The following SPIDR variants were observed in gnomAD, a reference collection of about 807,000 sequenced individuals.
SPIDR encodes the protein DNA repair-scaffolding protein.
Under a neutral mutation model 104.6 loss-of-function variants are expected in SPIDR, and 93 were observed. The observed-to-expected ratio is 0.89, with a 90% CI of 0.75 to 1.06. The LOEUF (loss-of-function observed/expected upper bound fraction) is 1.06. Among genes scored for constraint, SPIDR ranks in the 50% least tolerant of loss-of-function variants. The probability of loss-of-function intolerance (pLI) is 0.00; values close to 1 mark genes in which losing one functional copy is unlikely to be tolerated. For missense variants in SPIDR, 1,154 were observed against 1,111.2 expected, an observed-to-expected ratio of 1.04 and a Z score of -0.55; for synonymous variants, 431 against 416.9, an observed-to-expected ratio of 1.03 and a Z score of -0.41.
At chr8:47,339,870 G>A (rs897483222) in intron 5 of SPIDR, among the ~76,000 whole-genome samples, 18 of 151,550 alleles carry the variant, frequency 1.2e-4, no homozygotes, top group Non-Finnish European at 2.4e-4. Flanking sequence ...TAGTATAGAC[G>A]GGGTTTCACT....
chr8:47,546,205 G>A (rs2089341272), intron 8 of SPIDR, among the ~76,000 whole-genome samples: 1 of 152,074 alleles, frequency 6.6e-6, no homozygotes, highest in Non-Finnish European at 1.5e-5. Context: ...TAAGTGTTTG[G>A]TAGAATTCAA....
At chr8:47,337,688 T>G (rs2050026742) in intron 5 of SPIDR, among the ~76,000 whole-genome samples, 1 of 152,142 alleles carries the variant, frequency 6.6e-6, no homozygotes, top group Non-Finnish European at 1.5e-5. Flanking sequence ...TACCTGTGTT[T>G]TCTTCTAAGA....
chr8:47,718,727 G>A (rs1397456624), intron 16 of SPIDR, among the ~76,000 whole-genome samples: 1 of 152,028 alleles, frequency 6.6e-6, no homozygotes, highest in African/African-American at 2.4e-5. Context: ...AAATATTGAA[G>A]AATAGAAATA....
intron 10 of SPIDR, among the ~76,000 whole-genome samples, chr8:47,664,509 T>C (rs1346468851): frequency 1.3e-5 from 2 of 151,910 alleles, no homozygotes; most frequent in African/African-American, 4.8e-5. Context: ...AAGAACCAAA[T>C]AGAAATTCTG....
chr8:47,546,865 A>G lies in SPIDR; in HGVS notation c.1098-48946A>G, dbSNP rs1439505195. 1.8e-5 allele frequency: 7 copies of G among 395,560 alleles called. No individual in the cohort carries two copies. The East Asian group carries it at 3.0e-4, about 17-fold the overall frequency. 24.5% of individuals were successfully genotyped at this position (395,560 alleles called of 1,614,324 possible). ...CGTCTTCAGCAATGGTGAGGCGTAT[A>G]CGTTTCCTCAGGGAAGAGAAATTAA... On this transcript the variant is annotated intron_variant, in intron 8 of 19. Coordinates refer to ENST00000297423, the MANE Select transcript of SPIDR (RefSeq NM_001080394.4).
At chr8:47,638,658 G>A (rs199907810) in intron 10 of SPIDR, among the ~76,000 whole-genome samples, 3 of 152,032 alleles carry the variant, frequency 2.0e-5, no homozygotes, top group East Asian at 1.9e-4. Context: ...CTTTCCTGTC[G>A]CTCATTTTTC....
chr8:47,355,078 CTT>C (rs2054258223), intron 5 of SPIDR, among the ~76,000 whole-genome samples: 1 of 152,064 alleles, frequency 6.6e-6, no homozygotes, highest in Admixed American at 6.5e-5. Flanking sequence ...GCCTCAGCCT[CTT>C]GAGTAGCTCG....
intron 1 of SPIDR, among the ~76,000 whole-genome samples, chr8:47,263,406 A>T (rs1408740518): frequency 1.4e-5 from 2 of 147,990 alleles, no homozygotes; most frequent in Non-Finnish European, 3.0e-5. Flanking sequence ...TTTTTTTGAG[A>T]CGCAGTCTCG....
intron 6 of SPIDR, among the ~76,000 whole-genome samples, chr8:47,401,877 T>A (rs2154317179): frequency 6.6e-6 from 1 of 152,220 alleles, no homozygotes; most frequent in Non-Finnish European, 1.5e-5. Context: ...TCCCACACAG[T>A]AATAATGGGA....
At chr8:47,656,748 A>G (rs2072896309) in intron 10 of SPIDR, among the ~76,000 whole-genome samples, 1 of 152,232 alleles carries the variant, frequency 6.6e-6, no homozygotes, top group East Asian at 1.9e-4. Flanking sequence ...CAAAAATGTC[A>G]AAACAACTGC....
At chr8:47,347,066 T>C (rs2052268796) in intron 5 of SPIDR, among the ~76,000 whole-genome samples, 1 of 152,222 alleles carries the variant, frequency 6.6e-6, no homozygotes, top group Non-Finnish European at 1.5e-5. Context: ...TTTTAGATCT[T>C]TCCTCTTGTG....
chr8:47,486,582 G>T (rs2077665078), intron 8 of SPIDR, among the ~76,000 whole-genome samples: 1 of 152,184 alleles, frequency 6.6e-6, no homozygotes, highest in Non-Finnish European at 1.5e-5. Flanking sequence ...AGGAAAAAAT[G>T]TTAAGAGCAC....
intron 8 of SPIDR, among the ~76,000 whole-genome samples, chr8:47,485,361 C>G (rs1480775423): frequency 1.3e-5 from 2 of 152,236 alleles, no homozygotes; most frequent in African/African-American, 2.4e-5. Flanking sequence ...CCAGGAAGCT[C>G]GAACTGGGTG....
At chr8:47,569,134 TA>T (rs1044035163) in intron 8 of SPIDR, among the ~76,000 whole-genome samples, 1 of 152,174 alleles carries the variant, frequency 6.6e-6, no homozygotes, top group Non-Finnish European at 1.5e-5. Flanking sequence ...TATATCATTG[TA>T]GATAAAATAA....
At chr8:47,576,049 A>C (rs573319099) in intron 8 of SPIDR, among the ~76,000 whole-genome samples, 2 of 151,334 alleles carry the variant, frequency 1.3e-5, no homozygotes, top group Non-Finnish European at 1.5e-5. Flanking sequence ...GAGAAATACT[A>C]TTTTGAAAAT....
rs184115159 is a variant in SPIDR at position 47,324,023 on chromosome 8, G to T, written c.525+29993G>T. 7.4e-3 allele frequency among the ~76,000 whole-genome samples: 1,123 copies of T among 152,234 alleles called. 9 individuals carry two copies. Among genetic ancestry groups the T allele is most frequent in the Non-Finnish European group, 0.011 (751 of 68,006 alleles). ...ACTATAACCTTTACAGTGCTAAAAA[G>T]TTATAATCCAATTGTGTTCTCTGGT... On this transcript the variant is annotated intron_variant, in intron 5 of 19. Coordinates refer to ENST00000297423, the MANE Select transcript of SPIDR (RefSeq NM_001080394.4).
intron 5 of SPIDR, among the ~76,000 whole-genome samples, chr8:47,306,835 A>G (rs1266936101): frequency 1.3e-5 from 2 of 152,182 alleles, no homozygotes; most frequent in Non-Finnish European, 2.9e-5. Context: ...ATGTATTCAT[A>G]TATAATGTCC....
intron 8 of SPIDR, among the ~76,000 whole-genome samples, chr8:47,578,388 C>T (rs1247916035): frequency 1.3e-5 from 2 of 152,004 alleles, no homozygotes; most frequent in Non-Finnish European, 1.5e-5. Flanking sequence ...AGGAGAATGG[C>T]GTGAACCTGG....
rs1027326384 is a variant in SPIDR, at chr8:47,289,500, C to G, written c.257-1533C>G. The stretch of plus-strand genomic sequence containing the variant: ...ATTAGGTATATATTCCTTTTCTGAC[C>G]AATATCAGAAAAGTTTGCTGTTGAC... On this transcript the variant is annotated intron_variant, in intron 3 of 19. Transcript: ENST00000297423. Among the ~76,000 whole-genome samples, 32 of 151,926 alleles carry G rather than the reference C, an allele frequency of 2.1e-4. No individual in the cohort carries two copies. In the South Asian group the frequency reaches 6.4e-3, roughly 31 times the overall value.
Sources: allele counts gnomAD v4.1 joint callset (sites outside exome capture counted in the v4.1 genomes callset), GRCh38; gene constraint gnomAD v4.1.1; transcripts MANE v1.5; gene names NCBI Gene and HGNC (gene_info 2026-07-23, HGNC 2026-07-21).